RNF24: variants seen among roughly 807,000 people sequenced by gnomAD.
RNF24 encodes ring finger protein 24.
In RNF24, 14 loss-of-function variants were observed where a neutral mutation model predicts 20.0. That is an observed-to-expected ratio of 0.70 (90% CI 0.46 to 1.10). RNF24 has a LOEUF of 1.10. Ranked by LOEUF, RNF24 falls within the 50% of genes least tolerant of loss-of-function variation. RNF24 has a pLI of 0.00. For missense variants in RNF24, 124 were observed against 177.6 expected (o/e 0.70, Z 1.71); for synonymous variants, 45 against 61.1 (o/e 0.74, Z 1.23).
intron 2 of RNF24, among the ~76,000 whole-genome samples, chr20:3,954,978 G>A (rs930185807): frequency 3.3e-5 from 5 of 151,090 alleles, no homozygotes; most frequent in Non-Finnish European, 5.9e-5. Flanking sequence ...ATTTCTACCA[G>A]CAATATATGC....
chr20:3,957,468 A>T lies in RNF24; in HGVS notation c.143+6407T>A, dbSNP rs867156500. ...CTGAGACCCTGTCTCAAAAAAAAAA[A>T]AATAATAATAATAAAAATAAAAAAT... On this transcript the variant is annotated intron_variant, in intron 2 of 5. Transcript: ENST00000358395. Among the ~76,000 whole-genome samples the T allele has an allele frequency of 2.4e-3, 350 of 145,342 alleles. 1 individual carries two copies. Among genetic ancestry groups the T allele is most frequent in the East Asian group, 0.013 (65 of 5,036 alleles).
At chr20:4,007,109 A>C (rs1373709640) in intron 1 of RNF24, among the ~76,000 whole-genome samples, 1 of 152,264 alleles carries the variant, frequency 6.6e-6, no homozygotes, top group Admixed American at 6.5e-5. Flanking sequence ...CAATTACTTC[A>C]AGAAACAGTT....
chr20:3,993,976 A>G (rs1478936916), intron 1 of RNF24, among the ~76,000 whole-genome samples: 2 of 152,174 alleles, frequency 1.3e-5, no homozygotes, highest in Non-Finnish European at 2.9e-5. Flanking sequence ...TATTAACTAA[A>G]ATACAGACTT....
At chr20:3,963,787 ACTT>A in intron 2 of RNF24, 85 bp downstream of exon 2, 2 of 1,152,148 alleles carry the variant, frequency 1.7e-6, no homozygotes, top group Non-Finnish European at 2.4e-6. Flanking sequence ...CAATTATCAT[ACTT>A]CATTTTAAAA....
chr20:4,010,010 C>T (rs1227592280), intron 1 of RNF24, among the ~76,000 whole-genome samples: 5 of 151,366 alleles, frequency 3.3e-5, no homozygotes, highest in African/African-American at 9.7e-5. Flanking sequence ...GAGATCACGC[C>T]ACTGCACTCC....
chr20:3,950,495 C>T (rs986649486), intron 2 of RNF24, among the ~76,000 whole-genome samples: 2 of 152,184 alleles, frequency 1.3e-5, no homozygotes, highest in Non-Finnish European at 2.9e-5. Flanking sequence ...CATGGCTCTG[C>T]CAGCACTTTA....
intron 1 of RNF24, among the ~76,000 whole-genome samples, chr20:3,993,941 GAC>G (rs1165564623): frequency 6.6e-6 from 1 of 152,172 alleles, no homozygotes; most frequent in East Asian, 1.9e-4. Context: ...ATAGCAGAAA[GAC>G]AGGAAATCAA....
At position 3,943,298 on chromosome 20, in the gene RNF24, A is replaced by AG. The variant is rs200417787; in HGVS notation, c.228+1878dup. Among the ~76,000 whole-genome samples the AG allele has an allele frequency of 2.1e-3, 313 of 149,712 alleles. 2 individuals are homozygous for AG. Among genetic ancestry groups the AG allele is most frequent in the African/African-American group, 4.0e-3 (161 of 40,444 alleles). ...ATGCAATATAAATCAAAATCCCAGC[A>AG]GGATTTTTTTTTTTTTTTTGTGGAT... On this transcript the variant is annotated intron_variant, in intron 4 of 5. Transcript: ENST00000358395.
chr20:3,987,409 G>A (rs563396552), intron 1 of RNF24, among the ~76,000 whole-genome samples: 1 of 152,094 alleles, frequency 6.6e-6, no homozygotes, highest in Non-Finnish European at 1.5e-5. Context: ...AAGAAAACAT[G>A]TTTTTTTCTG....
intron 1 of RNF24, among the ~76,000 whole-genome samples, chr20:3,965,017 GACTAT>G (rs994566746): frequency 6.6e-6 from 1 of 151,914 alleles, no homozygotes. Context: ...TAAAAAAAAG[GACTAT>G]TTCTGTCAGT....
chr20:3,935,476 C>G (rs545001740), intron 4 of RNF24, among the ~76,000 whole-genome samples: 76 of 152,222 alleles, frequency 5.0e-4, no homozygotes, highest in Non-Finnish European at 3.5e-4. Context: ...CTCCCAAGCA[C>G]TCACTGAAAG....
chr20:3,944,460 G>A (rs2090993828), intron 4 of RNF24, among the ~76,000 whole-genome samples: 1 of 152,126 alleles, frequency 6.6e-6, no homozygotes, highest in South Asian at 2.1e-4. Flanking sequence ...TAGGCTATAT[G>A]CGACACTGCT....
chr20:3,981,031 C>T (rs1372380450), intron 1 of RNF24, among the ~76,000 whole-genome samples: 1 of 151,828 alleles, frequency 6.6e-6, no homozygotes, highest in Admixed American at 6.6e-5. Context: ...TGTGCCTGGC[C>T]CTATTGTCAA....
At chr20:3,939,016 G>A (rs1400019286) in intron 4 of RNF24, among the ~76,000 whole-genome samples, 1 of 151,702 alleles carries the variant, frequency 6.6e-6, no homozygotes, top group Non-Finnish European at 1.5e-5. Flanking sequence ...GCCTCCCAAC[G>A]TGTTGGGATT....
At chr20:4,002,528 A>G (rs1341860079) in intron 1 of RNF24, among the ~76,000 whole-genome samples, 3 of 152,260 alleles carry the variant, frequency 2.0e-5, no homozygotes, top group Non-Finnish European at 4.4e-5. Context: ...TAATAAAAAA[A>G]TTTAAAAGAA....
rs1214965718 is a variant in RNF24 at position 3,934,548 on chromosome 20, C to G, written c.309-347G>C. Among the ~76,000 whole-genome samples, 2 of 152,100 alleles carry G rather than the reference C, an allele frequency of 1.3e-5. No individual in the cohort carries two copies. The highest frequency in any genetic ancestry group is 2.9e-5 in the Non-Finnish European group (2 of 68,018). ...GAAGTAGGAAAATAAATTTTTCTAA[C>G]AGAAATACAAAACAAAAAATTATAA... On this transcript the variant is annotated intron_variant, in intron 5 of 5. Coordinates refer to ENST00000358395, the MANE Select transcript of RNF24 (RefSeq NM_001134337.3). This position sits in a 1 kb window ranked among gnomAD's most constrained non-coding sequence, Gnocchi z 4.0.
chr20:4,005,696 A>G (rs1568669692), intron 1 of RNF24, among the ~76,000 whole-genome samples: 2 of 152,180 alleles, frequency 1.3e-5, no homozygotes, highest in Non-Finnish European at 2.9e-5. Context: ...CAGATTTGGG[A>G]AGGAACAATA....
intron 1 of RNF24, among the ~76,000 whole-genome samples, chr20:3,988,990 G>A (rs1980170702): frequency 6.6e-6 from 1 of 152,094 alleles, no homozygotes; most frequent in South Asian, 2.1e-4. Context: ...AAAAGAAGAT[G>A]TGAATGACTA....
At chr20:3,972,645 A>C (rs1052682193) in intron 1 of RNF24, among the ~76,000 whole-genome samples, 1 of 152,192 alleles carries the variant, frequency 6.6e-6, no homozygotes, top group African/African-American at 2.4e-5. Context: ...TAACGCTTAT[A>C]ATCCCAGCAC....
Sources: allele counts gnomAD v4.1 joint callset (sites outside exome capture counted in the v4.1 genomes callset), GRCh38; gene constraint gnomAD v4.1.1; non-coding constraint Gnocchi (gnomAD v3.1); transcripts MANE v1.5; gene names NCBI Gene and HGNC (gene_info 2026-07-23, HGNC 2026-07-21).